RALGAPA1: variants seen among roughly 807,000 people sequenced by gnomAD.
RALGAPA1 encodes Ral GTPase activating protein catalytic subunit alpha 1.
RALGAPA1 carries 52 observed loss-of-function variants against 269.6 expected under a neutral mutation model. The ratio of observed to expected loss-of-function variants is 0.19; its 90% CI spans 0.15 to 0.24. The LOEUF is 0.24. Ranked by LOEUF, RALGAPA1 falls within the 10% of genes least tolerant of loss-of-function variation. The probability of loss-of-function intolerance (pLI) is 1.00; values close to 1 mark genes in which losing one functional copy is unlikely to be tolerated. For missense variants in RALGAPA1, 1,917 were observed against 3,013.9 expected (o/e 0.64, Z 8.52); for synonymous variants, 817 against 1,008.3 (o/e 0.81, Z 3.60).
chr14:35,539,719 A>T lies in RALGAPA1; in HGVS notation c.*24-29T>A, dbSNP rs1354634731. On this transcript the variant is annotated intron_variant, in intron 41 of 41. Coordinates refer to ENST00000680220, the MANE Select transcript of RALGAPA1 (RefSeq NM_001346249.2). ...TAGGAAACAGCAAGAGCATTACTAC[A>T]GTTATCCAGCCTCTCATCCCCTGAG... The T allele has an allele frequency of 1.9e-6, 3 of 1,610,872 alleles. No homozygotes were observed. In the South Asian group the frequency reaches 3.3e-5, roughly 18 times the overall value.
At chr14:35,775,572 A>G in intron 2 of RALGAPA1, 63 bp downstream of exon 2, 1 of 1,510,398 alleles carries the variant, frequency 6.6e-7, no homozygotes, top group East Asian at 2.5e-5. Flanking sequence ...ACAGCCTTTA[A>G]GTTATGTTTA....
At chr14:35,605,985 A>G (rs1566803501) in intron 35 of RALGAPA1, among the ~76,000 whole-genome samples, 1 of 152,258 alleles carries the variant, frequency 6.6e-6, no homozygotes, top group Non-Finnish European at 1.5e-5. Flanking sequence ...AAGATTTGAC[A>G]AATGAAGAGA....
rs1478355059 is a variant in RALGAPA1 at position 35,725,169 on chromosome 14, C to A, written c.1737-16G>T. ...CATCTGTTCCCTTAAAATAAAAAGA[C>A]TGATTAATGTTTCCTTCTTGCATAT... On this transcript the variant is annotated splice_polypyrimidine_tract_variant and intron_variant, in intron 13 of 41. Coordinates refer to ENST00000680220, the MANE Select transcript of RALGAPA1 (RefSeq NM_001346249.2). 6.6e-7 allele frequency: 1 copy of A among 1,516,686 alleles called. No homozygotes were observed. The highest frequency in any genetic ancestry group is 2.4e-5 in the East Asian group (1 of 41,466). 94.0% of individuals were successfully genotyped at this position (1,516,686 alleles called of 1,614,324 possible).
intron 37 of RALGAPA1, among the ~76,000 whole-genome samples, chr14:35,580,395 A>C (rs925166686): frequency 2.6e-5 from 4 of 152,192 alleles, no homozygotes; most frequent in African/African-American, 4.8e-5. Flanking sequence ...AGTTAAGTGG[A>C]AATTATTTTT....
chr14:35,773,425 AT>A (rs1307740088), intron 3 of RALGAPA1, among the ~76,000 whole-genome samples: 1 of 152,094 alleles, frequency 6.6e-6, no homozygotes, highest in Non-Finnish European at 1.5e-5. Flanking sequence ...TTCTAATAAA[AT>A]TTAGTGATCC....
intron 37 of RALGAPA1, among the ~76,000 whole-genome samples, chr14:35,594,585 C>T (rs1452552472): frequency 2.0e-5 from 3 of 151,948 alleles, no homozygotes; most frequent in Non-Finnish European, 4.4e-5. Context: ...CAAATTAAAA[C>T]CACTATGAGA....
At chr14:35,787,024 G>A (rs912520125) in intron 1 of RALGAPA1, among the ~76,000 whole-genome samples, 16 of 152,120 alleles carry the variant, frequency 1.1e-4, no homozygotes, top group African/African-American at 3.1e-4. Flanking sequence ...CAGATCAAAT[G>A]TCCCTGCCCC....
chr14:35,751,202 G>C (rs569944329), intron 8 of RALGAPA1, among the ~76,000 whole-genome samples: 22 of 152,160 alleles, frequency 1.4e-4, no homozygotes, highest in Non-Finnish European at 2.6e-4. Flanking sequence ...GGTTCCAAGA[G>C]ATATGTTGGC....
chr14:35,749,272 T>C (rs2072448031), intron 9 of RALGAPA1, among the ~76,000 whole-genome samples: 2 of 152,144 alleles, frequency 1.3e-5, no homozygotes, highest in Non-Finnish European at 2.9e-5. Context: ...CAAGTAAAAG[T>C]TTCCTAAACA....
intron 5 of RALGAPA1, among the ~76,000 whole-genome samples, chr14:35,762,257 T>TG (rs1481824839): frequency 2.6e-5 from 4 of 151,434 alleles, no homozygotes; most frequent in African/African-American, 9.7e-5. Context: ...TTTTTTTTTG[T>TG]TTTTGTTTTT....
chr14:35,712,203 C>T (rs1213629683), intron 16 of RALGAPA1, among the ~76,000 whole-genome samples: 3 of 143,878 alleles, frequency 2.1e-5, no homozygotes, highest in African/African-American at 5.3e-5. Context: ...GGCCAGATCA[C>T]GCCAAGGCAC....
At chr14:35,794,310 T>C (rs186498280) in intron 1 of RALGAPA1, among the ~76,000 whole-genome samples, 3 of 152,126 alleles carry the variant, frequency 2.0e-5, no homozygotes, top group African/African-American at 7.2e-5. Context: ...CCCCCATCTC[T>C]ATATAAATTT....
chr14:35,548,060 T>C (rs2054607822), intron 41 of RALGAPA1, among the ~76,000 whole-genome samples: 1 of 152,146 alleles, frequency 6.6e-6, no homozygotes, highest in Non-Finnish European at 1.5e-5. Flanking sequence ...CCTGCTTCCC[T>C]TGAATACCAT....
At chr14:35,644,782 G>C (rs918241694) in intron 31 of RALGAPA1, among the ~76,000 whole-genome samples, 1 of 152,090 alleles carries the variant, frequency 6.6e-6, no homozygotes, top group African/African-American at 2.4e-5. Flanking sequence ...GGGAAGGTGA[G>C]GGAGAGCATC....
In RALGAPA1 at chr14:35,756,425, T is replaced by C. The variant is rs114286561; in HGVS notation, c.663+368A>G. ...ACATGTCCTTGTACTTTCTGTCTTT[T>C]TTATTGTGGCAGCCAAGGATGAATA... is the stretch of plus-strand genomic sequence containing the variant. On this transcript the variant is annotated intron_variant, in intron 7 of 41. Transcript: ENST00000680220. 355 of 154,210 alleles carry C rather than the reference T, an allele frequency of 2.3e-3. 1 individual carries two copies. The highest frequency in any genetic ancestry group is 8.1e-3 in the African/African-American group (338 of 41,644). 9.6% of individuals were successfully genotyped at this position (154,210 alleles called of 1,614,324 possible).
At chr14:35,642,006 T>C (rs2062061959) in intron 31 of RALGAPA1, among the ~76,000 whole-genome samples, 1 of 152,180 alleles carries the variant, frequency 6.6e-6, no homozygotes, top group Non-Finnish European at 1.5e-5. Context: ...AAGGACAGTC[T>C]CTTCAATATA....
At chr14:35,659,351 A>G (rs925288642) in intron 27 of RALGAPA1, among the ~76,000 whole-genome samples, 155 bp from the exon 28 acceptor site, 2 of 152,152 alleles carry the variant, frequency 1.3e-5, no homozygotes, top group Non-Finnish European at 2.9e-5. Context: ...CTAAATAAAT[A>G]AAAGTTTCTG....
intron 35 of RALGAPA1, among the ~76,000 whole-genome samples, chr14:35,615,057 G>A (rs2060168219): frequency 6.6e-6 from 1 of 152,058 alleles, no homozygotes; most frequent in Admixed American, 6.5e-5. Flanking sequence ...CTGCTAAAAT[G>A]TTTTATATTG....
rs566787250 is a variant in RALGAPA1 at position 35,618,251 on chromosome 14, C to A, written c.6929+7110G>T. 6.6e-5 allele frequency among the ~76,000 whole-genome samples: 10 copies of A among 152,138 alleles called. No homozygotes were observed. The South Asian group carries it at 2.1e-3, about 32-fold the overall frequency. On this transcript the variant is annotated intron_variant, in intron 35 of 41. Coordinates refer to ENST00000680220, the MANE Select transcript of RALGAPA1 (RefSeq NM_001346249.2). ...AACTCAAAATGAAATTCTGGTAAAT[C>A]TAACACAACGAGAAGCCAAAAGATC...
Sources: allele counts gnomAD v4.1 joint callset (sites outside exome capture counted in the v4.1 genomes callset), GRCh38; gene constraint gnomAD v4.1.1; transcripts MANE v1.5; gene names NCBI Gene and HGNC (gene_info 2026-07-23, HGNC 2026-07-21).